The following EPHA3 variants were observed in gnomAD, a reference collection of about 807,000 sequenced individuals.
The protein encoded by EPHA3 is ephrin type-A receptor 3.
A neutral mutation model predicts 107.1 loss-of-function variants in EPHA3; 42 were observed. The observed-to-expected ratio is 0.39, with a 90% confidence interval of 0.31 to 0.51. EPHA3 has a LOEUF of 0.51. EPHA3 is among the 20% of genes least tolerant of loss of function. The pLI is 0.78. For missense variants in EPHA3, 1,183 were observed against 1,211.2 expected, an observed-to-expected ratio of 0.98 and a Z score of 0.35; for synonymous variants, 461 against 424.8, an observed-to-expected ratio of 1.09 and a Z score of -1.05.
chr3:89,467,532 C>T (rs1450264425), intron 15 of EPHA3, among the ~76,000 whole-genome samples: 1 of 152,134 alleles, frequency 6.6e-6, no homozygotes. Context: ...ACTAGAGATT[C>T]AGAATTCTAA....
intron 1 of EPHA3, 65 bp downstream of exon 1, chr3:89,107,901 C>G (rs1707011826): frequency 1.3e-6 from 2 of 1,503,372 alleles, no homozygotes; most frequent in African/African-American, 1.4e-5. Context: ...AAAGCACGTT[C>G]TCACCGAAGC....
intron 3 of EPHA3, among the ~76,000 whole-genome samples, chr3:89,322,564 G>A (rs535851229): frequency 1.3e-5 from 2 of 152,246 alleles, no homozygotes; most frequent in East Asian, 1.9e-4. Flanking sequence ...AAGTGAGGAC[G>A]AGATGTAGAG....
At chr3:89,263,412 G>T (rs762966622) in intron 3 of EPHA3, among the ~76,000 whole-genome samples, 12 of 152,120 alleles carry the variant, frequency 7.9e-5, no homozygotes, top group Non-Finnish European at 1.3e-4. Flanking sequence ...CACACTTGTG[G>T]CTCCCAAGCT....
chr3:89,415,377 T>C (rs1477148563), intron 10 of EPHA3, among the ~76,000 whole-genome samples: 6 of 149,240 alleles, frequency 4.0e-5, no homozygotes, highest in African/African-American at 9.8e-5. Context: ...ATAATTATTC[T>C]AAATTGATTA....
intron 13 of EPHA3, among the ~76,000 whole-genome samples, chr3:89,447,078 C>T (rs1305852830): frequency 1.3e-5 from 2 of 152,030 alleles, no homozygotes; most frequent in African/African-American, 2.4e-5. Context: ...CCACTTTTGT[C>T]GATGTCAAGG....
intron 3 of EPHA3, among the ~76,000 whole-genome samples, chr3:89,217,775 G>T (rs1483418200): frequency 6.6e-6 from 1 of 152,152 alleles, no homozygotes; most frequent in Non-Finnish European, 1.5e-5. Flanking sequence ...AACAGCTGTG[G>T]CTTTTTTAAC....
intron 3 of EPHA3, among the ~76,000 whole-genome samples, chr3:89,223,868 C>A (rs1168064447): frequency 6.6e-6 from 1 of 151,862 alleles, no homozygotes; most frequent in South Asian, 2.1e-4. Context: ...AATATAGTAA[C>A]GAATTTTTTA....
At chr3:89,258,331 T>A (rs1415862162) in intron 3 of EPHA3, among the ~76,000 whole-genome samples, 2 of 152,182 alleles carry the variant, frequency 1.3e-5, no homozygotes, top group Admixed American at 6.5e-5. Flanking sequence ...TGATTTAAAA[T>A]TTTTAAAGAA....
intron 10 of EPHA3, among the ~76,000 whole-genome samples, chr3:89,418,182 A>G (rs1176830457): frequency 6.6e-6 from 1 of 151,444 alleles, no homozygotes; most frequent in East Asian, 1.9e-4. Flanking sequence ...AAAATTAATC[A>G]TATAATTAAT....
At chr3:89,270,058 G>T (rs1363769613) in intron 3 of EPHA3, among the ~76,000 whole-genome samples, 1 of 151,696 alleles carries the variant, frequency 6.6e-6, no homozygotes. Context: ...AGGACCAAAT[G>T]TGAAAGCCTA....
intron 3 of EPHA3, among the ~76,000 whole-genome samples, chr3:89,321,486 T>C (rs564603395): frequency 4.6e-5 from 7 of 152,100 alleles, no homozygotes; most frequent in Admixed American, 2.0e-4. Flanking sequence ...CTGAAATACC[T>C]TGGGTACAGC....
At chr3:89,222,338 T>C (rs1312211861) in intron 3 of EPHA3, among the ~76,000 whole-genome samples, 1,465 of 145,796 alleles carry the variant, frequency 0.01, 20 homozygotes, top group African/African-American at 0.035. Context: ...TATATATATA[T>C]ATATATATAT....
At chr3:89,208,244 C>T (rs184591923) in intron 2 of EPHA3, among the ~76,000 whole-genome samples, 1 of 151,352 alleles carries the variant, frequency 6.6e-6, no homozygotes, top group Admixed American at 6.6e-5. Context: ...GTGTTGGGGG[C>T]CTATAATCCC....
intron 9 of EPHA3, among the ~76,000 whole-genome samples, chr3:89,410,317 T>C (rs1164221936): frequency 6.6e-6 from 1 of 152,014 alleles, no homozygotes; most frequent in Admixed American, 6.6e-5. Context: ...GTATCCATCA[T>C]ACATATATTC....
chr3:89,408,610 A>G (rs1709098974), intron 9 of EPHA3, among the ~76,000 whole-genome samples: 1 of 152,118 alleles, frequency 6.6e-6, no homozygotes. Flanking sequence ...CAGTTACATG[A>G]TATCCAACTA....
intron 13 of EPHA3, among the ~76,000 whole-genome samples, chr3:89,446,329 G>A (rs1450970196): frequency 6.6e-6 from 1 of 152,104 alleles, no homozygotes; most frequent in Non-Finnish European, 1.5e-5. Context: ...TATTATGTCT[G>A]TATTTACAAC....
chr3:89,173,161 CTGT>C (rs1415680475), intron 2 of EPHA3, among the ~76,000 whole-genome samples: 2 of 152,014 alleles, frequency 1.3e-5, no homozygotes, highest in Non-Finnish European at 2.9e-5. Flanking sequence ...TAATCAAGTG[CTGT>C]ATCATGTAAC....
At chr3:89,223,609 A>G (rs916673253) in intron 3 of EPHA3, among the ~76,000 whole-genome samples, 16 of 152,162 alleles carry the variant, frequency 1.1e-4, no homozygotes, top group Non-Finnish European at 2.2e-4. Context: ...TGGTGGGATT[A>G]TGTTTGTTGT....
At chr3:89,200,207 G>A (rs1405664711) in intron 2 of EPHA3, among the ~76,000 whole-genome samples, 1 of 152,078 alleles carries the variant, frequency 6.6e-6, no homozygotes, top group Non-Finnish European at 1.5e-5. Flanking sequence ...GTCTACATTG[G>A]ACATTATTTC....
Sources: gnomAD v4.1 joint callset for allele counts (sites outside exome capture counted in the v4.1 genomes callset) on GRCh38, gnomAD v4.1.1 for gene constraint, MANE v1.5 for transcripts, NCBI Gene and HGNC (gene_info 2026-07-23, HGNC 2026-07-21) for gene names.